NOL10: variants seen among roughly 807,000 people sequenced by gnomAD.
The protein encoded by NOL10 is nucleolar protein 10, also known as H_NH0074G24.1.
A neutral mutation model predicts 103.5 loss-of-function variants in NOL10; 58 were observed. The ratio of observed to expected loss-of-function variants is 0.56; its 90% CI spans 0.45 to 0.70. The LOEUF is 0.70. NOL10 is among the 30% of genes least tolerant of loss of function. The pLI is 0.00. For missense variants in NOL10, 763 were observed against 807.3 expected (o/e 0.95, Z 0.67); for synonymous variants, 287 against 282.5 (o/e 1.02, Z -0.16).
chr2:10,629,772 T>G (rs1345368598), intron 13 of NOL10, among the ~76,000 whole-genome samples: 1 of 152,258 alleles, frequency 6.6e-6, no homozygotes, highest in African/African-American at 2.4e-5. Flanking sequence ...CTCATTTTCC[T>G]TGCTCACATT....
At chr2:10,635,025 G>C (rs1678107325) in intron 13 of NOL10, among the ~76,000 whole-genome samples, 3 of 151,988 alleles carry the variant, frequency 2.0e-5, no homozygotes, top group Non-Finnish European at 1.5e-5. Context: ...TTAAATTTTT[G>C]ATTTTTTTTT....
intron 13 of NOL10, among the ~76,000 whole-genome samples, chr2:10,642,299 C>T (rs1011760546): frequency 1.3e-5 from 2 of 152,214 alleles, no homozygotes; most frequent in Non-Finnish European, 2.9e-5. Flanking sequence ...CTCACATTAT[C>T]CCAGAACCCC....
intron 13 of NOL10, among the ~76,000 whole-genome samples, chr2:10,631,345 A>C (rs1193921353): frequency 1.3e-5 from 2 of 152,248 alleles, no homozygotes; most frequent in African/African-American, 4.8e-5. Flanking sequence ...GCATGGAGAG[A>C]AAAACAAAAG....
intron 3 of NOL10, among the ~76,000 whole-genome samples, chr2:10,676,736 C>T (rs980002184): frequency 2.0e-5 from 3 of 150,866 alleles, no homozygotes; most frequent in Non-Finnish European, 4.4e-5. Flanking sequence ...CTCCCAGGTT[C>T]AAGCTATTCT....
At position 10,572,123 on chromosome 2, in the gene NOL10, C is replaced by A. The variant is rs867069422; in HGVS notation, c.2015G>T (p.Arg672Leu). 1 of 1,613,978 alleles carries A rather than the reference C, an allele frequency of 6.2e-7. No individual in the cohort carries two copies. Among genetic ancestry groups the A allele is most frequent in the East Asian group, 2.2e-5 (1 of 44,876 alleles). The change falls in exon 21 of 21, where the codon CGT (arginine) becomes CTT (leucine). Residue 672 changes from arginine (R) to leucine (L), a missense_variant. By Grantham distance (102) the Arg-to-Leu change is moderately radical (BLOSUM62 -2). Coordinates refer to ENST00000381685, the MANE Select transcript of NOL10 (RefSeq NM_024894.4). The stretch of plus-strand genomic sequence containing the variant: ...TCTTGACTTCAGGTGTCCGGCCGAA[C>A]GACGGAGTCTTTTCCTTTCTTGTCG... Reference protein sequence around the residue: ...LHRQERKRLRRSAGHLKSRHK... With the variant: ...LHRQERKRLRLSAGHLKSRHK...
At chr2:10,669,242 T>G (rs1475339129) in intron 6 of NOL10, among the ~76,000 whole-genome samples, 6 of 151,526 alleles carry the variant, frequency 4.0e-5, no homozygotes, top group Admixed American at 2.0e-4. Context: ...TTGGCCAGGC[T>G]GGTCTCAAAC....
chr2:10,628,048 T>C (rs1480629930), intron 13 of NOL10, among the ~76,000 whole-genome samples: 2 of 152,184 alleles, frequency 1.3e-5, no homozygotes, highest in Non-Finnish European at 2.9e-5. Context: ...CTGCCTCCCA[T>C]TGTCTGACAG....
At chr2:10,632,477 G>C (rs978298118) in intron 13 of NOL10, among the ~76,000 whole-genome samples, 4 of 152,168 alleles carry the variant, frequency 2.6e-5, no homozygotes, top group African/African-American at 4.8e-5. Flanking sequence ...CCCCAGTCTA[G>C]AGTACACCCT....
intron 13 of NOL10, among the ~76,000 whole-genome samples, chr2:10,644,004 C>G (rs1362292699): frequency 2.0e-5 from 3 of 152,136 alleles, no homozygotes; most frequent in Non-Finnish European, 4.4e-5. Context: ...AATCCCAGCA[C>G]TTTGGGAGGC....
chr2:10,685,893 GTC>G (rs1399950008), intron 1 of NOL10, among the ~76,000 whole-genome samples: 1 of 95,884 alleles, frequency 1.0e-5, no homozygotes, highest in African/African-American at 2.8e-5. Flanking sequence ...TGGGATCACT[GTC>G]TCTACAAAAA....
chr2:10,673,613 C>A, intron 4 of NOL10, 56 bp from the exon 5 acceptor site: 1 of 1,166,122 alleles, frequency 8.6e-7, no homozygotes, highest in South Asian at 1.4e-5. Flanking sequence ...TTAGTAACAA[C>A]GCAAACCTGA....
intron 16 of NOL10, among the ~76,000 whole-genome samples, chr2:10,601,584 G>C (rs1675979947): frequency 6.6e-6 from 1 of 152,138 alleles, no homozygotes; most frequent in Non-Finnish European, 1.5e-5. Context: ...GAAGCCGATG[G>C]GAGGCTCACT....
chr2:10,656,038 T>A (rs1228718094), intron 11 of NOL10, among the ~76,000 whole-genome samples: 2 of 152,182 alleles, frequency 1.3e-5, no homozygotes, highest in Non-Finnish European at 2.9e-5. Context: ...TCAAAGGTGA[T>A]AATAATCCAC....
chr2:10,622,432 T>C (rs1677201699), intron 13 of NOL10, among the ~76,000 whole-genome samples: 1 of 151,972 alleles, frequency 6.6e-6, no homozygotes, highest in Admixed American at 6.5e-5. Context: ...GACTTTTATC[T>C]TCTTGGTTAT....
rs572723401 is a variant in NOL10, at chr2:10,640,790, A to T, written c.1026+3530T>A. Among the ~76,000 whole-genome samples, 1,387 of 152,314 alleles carry T rather than the reference A, an allele frequency of 9.1e-3. 17 individuals are homozygous for T. The highest frequency in any genetic ancestry group is 0.031 in the African/African-American group (1,274 of 41,554). On this transcript the variant is annotated intron_variant, in intron 13 of 20. Coordinates refer to ENST00000381685, the MANE Select transcript of NOL10 (RefSeq NM_024894.4). ...TTCTAAGATAATAGACATGTCATAA[A>T]CCAGCCAATGACATATAATAGAGGC...
At chr2:10,584,224 T>C (rs1674907264) in intron 19 of NOL10, among the ~76,000 whole-genome samples, 1 of 152,330 alleles carries the variant, frequency 6.6e-6, no homozygotes, top group African/African-American at 2.4e-5. Context: ...TCCTTTCCCA[T>C]GAGCGCTTCA....
intron 8 of NOL10, among the ~76,000 whole-genome samples, chr2:10,665,144 C>T (rs1217369592): frequency 1.3e-5 from 2 of 152,078 alleles, no homozygotes; most frequent in South Asian, 2.1e-4. Context: ...GATGAATAAT[C>T]GAAGGGAAAC....
intron 13 of NOL10, among the ~76,000 whole-genome samples, chr2:10,626,055 G>A (rs1177853941): frequency 6.6e-6 from 1 of 151,976 alleles, no homozygotes; most frequent in African/African-American, 2.4e-5. Flanking sequence ...GGTGGTATGT[G>A]CCTGTAGTCC....
chr2:10,593,129 GTTTT>G (rs113342576), intron 17 of NOL10, among the ~76,000 whole-genome samples: 1 of 148,698 alleles, frequency 6.7e-6, no homozygotes, highest in African/African-American at 2.5e-5. Context: ...AAACAAATTA[GTTTT>G]TTTTTTTTTC....
Sources: allele counts gnomAD v4.1 joint callset (sites outside exome capture counted in the v4.1 genomes callset), GRCh38; gene constraint gnomAD v4.1.1; transcripts MANE v1.5; gene names NCBI Gene and HGNC (gene_info 2026-07-23, HGNC 2026-07-21).